Variants in DROSHA observed in about 807,000 individuals in gnomAD.
DROSHA encodes the protein ribonuclease 3.
Under a neutral mutation model 181.9 loss-of-function variants are expected in DROSHA, and 56 were observed. The observed-to-expected ratio is 0.31, with a 90% CI of 0.25 to 0.38. The LOEUF is 0.38. Ranked by LOEUF, DROSHA falls within the 10% of genes least tolerant of loss-of-function variation. DROSHA has a pLI of 1.00. For missense variants in DROSHA, 1,218 were observed against 1,743.5 expected, an observed-to-expected ratio of 0.70 and a Z score of 5.37; for synonymous variants, 524 against 591.2, an observed-to-expected ratio of 0.89 and a Z score of 1.65.
chr5:31,488,242 C>T (rs1358057558), intron 13 of DROSHA, among the ~76,000 whole-genome samples: 1 of 151,798 alleles, frequency 6.6e-6, no homozygotes, highest in Non-Finnish European at 1.5e-5. Context: ...CATGGTGAAA[C>T]CCCGTCTCTA....
chr5:31,403,637 A>C (rs997464609), intron 35 of DROSHA, among the ~76,000 whole-genome samples: 5 of 152,214 alleles, frequency 3.3e-5, no homozygotes, highest in African/African-American at 1.2e-4. Context: ...GGCCAAATAC[A>C]GCTATCTATC....
At position 31,522,304 on chromosome 5, in the gene DROSHA, A is replaced by G. The variant is rs573274368; in HGVS notation, c.855-1089T>C. On this transcript the variant is annotated intron_variant, in intron 5 of 35. Transcript: ENST00000344624. ...ATACACTTCTAAAATCAGAGTTTAC[A>G]TTTGGGCAGTAAATCTTAGTTATTG... is the stretch of plus-strand genomic sequence containing the variant. Among the ~76,000 whole-genome samples, 15 of 152,320 alleles carry G rather than the reference A, an allele frequency of 9.8e-5. No individual in the cohort carries two copies. In the South Asian group the frequency reaches 2.9e-3, roughly 29 times the overall value.
In DROSHA at chr5:31,453,302, C is replaced by A. The variant is rs543398734; in HGVS notation, c.2575-1662G>T. 5.3e-5 allele frequency among the ~76,000 whole-genome samples: 8 copies of A among 152,192 alleles called. No individual in the cohort carries two copies. The South Asian group carries it at 1.7e-3, about 32-fold the overall frequency. On this transcript the variant is annotated intron_variant, in intron 20 of 35. Transcript: ENST00000344624. ...CCTCGACCTTCCAGGCTCAAGAGAT[C>A]CTCCCACCTCAGCCACCAAACCCCA...
At position 31,410,834 on chromosome 5, in the gene DROSHA, C is replaced by T; in HGVS notation, c.3579G>A (p.Glu1193=). The change falls in exon 31 of 36, where the codon GAG becomes GAA. Residue 1193 remains glutamate (E), a synonymous_variant. Transcript: ENST00000344624. ...NNRTQAKVAE[E]LGMQEYAITN... ...TTATGGCGTACTCCTGCATGCCCAGCTCCTCCGCTACCTTGGCCTGAGTTC... is the reference window on the plus strand; with the variant it reads ...TTATGGCGTACTCCTGCATGCCCAGTTCCTCCGCTACCTTGGCCTGAGTTC... 1 of 1,614,016 alleles carries T rather than the reference C, an allele frequency of 6.2e-7. No individual in the cohort carries two copies.
At chr5:31,504,123 G>C (rs1001983644) in intron 11 of DROSHA, among the ~76,000 whole-genome samples, 11 of 152,316 alleles carry the variant, frequency 7.2e-5, no homozygotes, top group African/African-American at 2.6e-4. Flanking sequence ...ACCAAGGGCA[G>C]AGACGCAGGT....
In DROSHA at chr5:31,515,074, C is replaced by T. The variant is rs913196681; in HGVS notation, c.1204G>A (p.Glu402Lys). 5 of 1,613,868 alleles carry T rather than the reference C, an allele frequency of 3.1e-6. No individual in the cohort carries two copies. The African/African-American group carries it at 5.3e-5, about 17-fold the overall frequency. Reference sequence around the variant, plus strand: ...GGCTTAAGAAGTTCTTCTTCTTCCTCCTCATTCTTGTCAGGCATGGTCTCC... The same window carrying T: ...GGCTTAAGAAGTTCTTCTTCTTCCTTCTCATTCTTGTCAGGCATGGTCTCC... Reference protein sequence around the residue: ...PEETMPDKNEEEEEELLKPVW... With the variant: ...PEETMPDKNEKEEEELLKPVW... The change falls in exon 8 of 36, where the codon GAG (glutamate) becomes AAG (lysine). Residue 402 changes from glutamate (E) to lysine (K), a missense_variant. By Grantham distance (56) the Glu-to-Lys change is moderately conservative. This residue lies in a region of DROSHA where 536 missense variants were observed against 535.4 expected (regional missense o/e 1.00). Coordinates refer to ENST00000344624, the MANE Select transcript of DROSHA (RefSeq NM_001382508.1).
At chr5:31,501,195 C>T (rs1753537446) in intron 11 of DROSHA, among the ~76,000 whole-genome samples, 1 of 152,114 alleles carries the variant, frequency 6.6e-6, no homozygotes, top group Non-Finnish European at 1.5e-5. Flanking sequence ...GTATCTGAAT[C>T]ATCATTGATA....
At chr5:31,467,549 A>ATTCG (rs1383447340) in intron 18 of DROSHA, 2 of 152,408 alleles carry the variant, frequency 1.3e-5, no homozygotes, top group East Asian at 3.8e-4. Flanking sequence ...GCCCCCAAAA[A>ATTCG]GAGAACTCTG....
intron 13 of DROSHA, among the ~76,000 whole-genome samples, chr5:31,491,185 T>TAAA (rs11301107): frequency 6.1e-4 from 85 of 140,324 alleles, no homozygotes; most frequent in East Asian, 4.7e-3. Flanking sequence ...TGTCCAAGGT[T>TAAA]AAAAAAAAAA....
intron 11 of DROSHA, among the ~76,000 whole-genome samples, chr5:31,501,254 A>G (rs1753542346): frequency 6.6e-6 from 1 of 152,104 alleles, no homozygotes; most frequent in Non-Finnish European, 1.5e-5. Flanking sequence ...AGTAGAGAAT[A>G]TGAGGCCAAG....
At chr5:31,405,595 C>T (rs1740542476) in intron 35 of DROSHA, 82 bp downstream of exon 35, 16 of 1,226,388 alleles carry the variant, frequency 1.3e-5, no homozygotes, top group Middle Eastern at 1.9e-4. Flanking sequence ...TCAATACTTA[C>T]CATTTTTCTC....
intron 20 of DROSHA, among the ~76,000 whole-genome samples, chr5:31,455,492 T>C (rs573117392): frequency 6.6e-6 from 1 of 152,192 alleles, no homozygotes; most frequent in African/African-American, 2.4e-5. Context: ...TGAAAGTATA[T>C]ACAGCATACC....
chr5:31,419,542 GTTT>G (rs1049192242), intron 30 of DROSHA, among the ~76,000 whole-genome samples: 20 of 109,664 alleles, frequency 1.8e-4, no homozygotes, highest in Non-Finnish European at 1.7e-5. Flanking sequence ...CTGAGTTTTG[GTTT>G]CCGTACTGTT....
intron 20 of DROSHA, among the ~76,000 whole-genome samples, chr5:31,453,706 C>G (rs990073225): frequency 6.6e-6 from 1 of 152,104 alleles, no homozygotes; most frequent in African/African-American, 2.4e-5. Flanking sequence ...TCCTCTAAAC[C>G]TGCTCCAAAC....
At chr5:31,417,463 G>A (rs1742085378) in intron 30 of DROSHA, among the ~76,000 whole-genome samples, 1 of 152,090 alleles carries the variant, frequency 6.6e-6, no homozygotes, top group African/African-American at 2.4e-5. Flanking sequence ...AAATTGACTG[G>A]GGCGCGGGGT....
intron 9 of DROSHA, among the ~76,000 whole-genome samples, chr5:31,509,200 A>G (rs7726209): frequency 0.47 from 71,478 of 151,042 alleles, 20,753 homozygotes; most frequent in Non-Finnish European, 0.65. Context: ...CTTCTAGAAA[A>G]TACTTAAAGG....
intron 20 of DROSHA, among the ~76,000 whole-genome samples, chr5:31,458,315 T>C (rs1265797386): frequency 6.6e-6 from 1 of 152,182 alleles, no homozygotes; most frequent in Non-Finnish European, 1.5e-5. Flanking sequence ...CATCACCATA[T>C]TGGTGGTGGT....
chr5:31,515,746 C>T (rs113931756), intron 6 of DROSHA, among the ~76,000 whole-genome samples, 182 bp from the exon 7 acceptor site: 3 of 152,144 alleles, frequency 2.0e-5, no homozygotes, highest in Non-Finnish European at 2.9e-5. Context: ...AATTATAATC[C>T]GAGAGTGAAC....
intron 8 of DROSHA, among the ~76,000 whole-genome samples, chr5:31,513,049 TTGTGGAACTC>T (rs1738865260): frequency 6.6e-6 from 1 of 152,224 alleles, no homozygotes; most frequent in Admixed American, 6.5e-5. Context: ...GCCATGCCAT[TTGTGGAACTC>T]TGTCATGGCA....
Sources: allele counts gnomAD v4.1 joint callset (sites outside exome capture counted in the v4.1 genomes callset), GRCh38; gene constraint gnomAD v4.1.1; regional missense constraint gnomAD v4.1.1; transcripts MANE v1.5; gene names NCBI Gene and HGNC (gene_info 2026-07-23, HGNC 2026-07-21).